Variants in LRRC3B observed in about 807,000 individuals in gnomAD.
The protein encoded by LRRC3B is leucine-rich repeat-containing protein 3B.
Under a neutral mutation model 12.8 loss-of-function variants are expected in LRRC3B, and 2 were observed. That is an observed-to-expected ratio of 0.16 (90% confidence interval 0.06 to 0.49). The LOEUF is 0.49. Among genes scored for constraint, LRRC3B ranks in the 20% least tolerant of loss-of-function variants. The pLI is 0.96. For missense variants in LRRC3B, 189 were observed against 319.4 expected, an observed-to-expected ratio of 0.59 and a Z score of 3.11; for synonymous variants, 132 against 122.0, an observed-to-expected ratio of 1.08 and a Z score of -0.54.
chr3:26,636,869 CCTTCCTT>C (rs1559350129), intron 1 of LRRC3B, among the ~76,000 whole-genome samples: 3 of 102,842 alleles, frequency 2.9e-5, no homozygotes, highest in African/African-American at 1.4e-4. Flanking sequence ...TCCCTCCCTT[CCTTCCTT>C]CCTTCCTTCC....
At chr3:26,636,816 C>CCCTG (rs1698883904) in intron 1 of LRRC3B, among the ~76,000 whole-genome samples, 1 of 62,380 alleles carries the variant, frequency 1.6e-5, no homozygotes, top group Non-Finnish European at 2.8e-5. Context: ...TTCCCTCCCT[C>CCCTG]CCTCCCTCCC....
At chr3:26,709,698 C>G in exon 2 of LRRC3B, 1 of 1,613,942 alleles carries the variant, frequency 6.2e-7, no homozygotes, top group Non-Finnish European at 8.5e-7. Flanking sequence ...CTGTGGTTAA[C>G]CCGTTCCCTC....
At chr3:26,707,684 C>A (rs1253774472) in intron 1 of LRRC3B, among the ~76,000 whole-genome samples, 2 of 152,188 alleles carry the variant, frequency 1.3e-5, no homozygotes, top group African/African-American at 4.8e-5. Context: ...TAATTAATTT[C>A]TTCCATCTCC....
At chr3:26,623,108 G>A (rs1698548197) in exon 1 of LRRC3B, 1 of 152,150 alleles carries the variant, frequency 6.6e-6, no homozygotes, top group Non-Finnish European at 1.5e-5. Context: ...GGGCAGCTCG[G>A]CTTGCAGCTG....
intron 1 of LRRC3B, among the ~76,000 whole-genome samples, chr3:26,708,456 C>T (rs1235426779): frequency 6.6e-6 from 1 of 152,066 alleles, no homozygotes; most frequent in African/African-American, 2.4e-5. Flanking sequence ...TGAGTCAGAA[C>T]AAAGACTTTG....
intron 1 of LRRC3B, among the ~76,000 whole-genome samples, chr3:26,663,934 C>G (rs1262626565): frequency 6.6e-6 from 1 of 152,102 alleles, no homozygotes; most frequent in East Asian, 1.9e-4. Flanking sequence ...AAAATTGCCC[C>G]TTTTTAATTC....
At chr3:26,650,312 A>G (rs902924196) in intron 1 of LRRC3B, among the ~76,000 whole-genome samples, 3 of 152,160 alleles carry the variant, frequency 2.0e-5, no homozygotes, top group African/African-American at 7.2e-5. Flanking sequence ...TTTTCTGTTG[A>G]GTCTCAGTGA....
chr3:26,662,508 G>A lies in LRRC3B; in HGVS notation c.-161+39271G>A, dbSNP rs1025949955. On this transcript the variant is annotated intron_variant, in intron 1 of 1. Transcript: ENST00000396641. ...GCCCCTCCTCTGAAATCTCTCTACC[G>A]CTAAAACTACAACATTGTCCATTCT... Among the ~76,000 whole-genome samples, 9 of 151,896 alleles carry A rather than the reference G, an allele frequency of 5.9e-5. No individual in the cohort carries two copies. In the South Asian group the frequency reaches 6.2e-4, roughly 10 times the overall value.
chr3:26,653,035 G>T (rs538296254), intron 1 of LRRC3B, among the ~76,000 whole-genome samples: 1 of 151,472 alleles, frequency 6.6e-6, no homozygotes, highest in Non-Finnish European at 1.5e-5. Flanking sequence ...AGATGACAGT[G>T]CCCCCTAGTA....
Position 26,675,817 on chromosome 3 carries a change from T to G in LRRC3B, c.-160-33696T>G, listed in dbSNP as rs1044781477. ...TTAATTGTTGTTTCTTGGGAAAAAC[T>G]AGCCCTTATTCTAGAATGTTTACCT... is the stretch of plus-strand genomic sequence containing the variant. On this transcript the variant is annotated intron_variant, in intron 1 of 1. Transcript: ENST00000396641. Among the ~76,000 whole-genome samples, 5 of 152,174 alleles carry G rather than the reference T, an allele frequency of 3.3e-5. No homozygotes were observed. The South Asian group carries it at 6.2e-4, about 19-fold the overall frequency.
intron 1 of LRRC3B, among the ~76,000 whole-genome samples, chr3:26,631,170 T>C (rs993062615): frequency 1.3e-5 from 2 of 152,212 alleles, no homozygotes; most frequent in African/African-American, 4.8e-5. Flanking sequence ...ATGTGCCTCC[T>C]TGGAGAAGCA....
intron 1 of LRRC3B, among the ~76,000 whole-genome samples, chr3:26,690,839 A>G (rs1215627567): frequency 6.6e-6 from 1 of 152,028 alleles, no homozygotes; most frequent in Non-Finnish European, 1.5e-5. Context: ...CTAGTTATGT[A>G]TTGGCATAAT....
intron 1 of LRRC3B, among the ~76,000 whole-genome samples, chr3:26,668,180 G>T (rs753229364): frequency 8.5e-5 from 13 of 152,114 alleles, no homozygotes; most frequent in Non-Finnish European, 1.2e-4. Context: ...GCATTAACGA[G>T]CCCTGTTGAA....
intron 1 of LRRC3B, among the ~76,000 whole-genome samples, chr3:26,671,196 T>C (rs1181870962): frequency 1.4e-5 from 2 of 143,248 alleles, no homozygotes. Flanking sequence ...TTTGTATTTT[T>C]AGTAGAGACG....
At chr3:26,623,407 C>T (rs2125394015) in intron 1 of LRRC3B, among the ~76,000 whole-genome samples, 170 bp downstream of exon 1, 1 of 152,306 alleles carries the variant, frequency 6.6e-6, no homozygotes, top group East Asian at 1.9e-4. Flanking sequence ...GAGAGACCTC[C>T]TCCTGGAGAG....
intron 1 of LRRC3B, among the ~76,000 whole-genome samples, chr3:26,670,593 C>T (rs1415171207): frequency 6.6e-6 from 1 of 152,150 alleles, no homozygotes; most frequent in Non-Finnish European, 1.5e-5. Context: ...ATTATTACTA[C>T]ATCAAGGGTT....
intron 1 of LRRC3B, among the ~76,000 whole-genome samples, chr3:26,646,173 A>G (rs1313301251): frequency 6.6e-6 from 1 of 152,216 alleles, no homozygotes; most frequent in Non-Finnish European, 1.5e-5. Flanking sequence ...TCATTTGTTC[A>G]TTCTGATACA....
At chr3:26,703,700 A>G (rs1700513389) in intron 1 of LRRC3B, among the ~76,000 whole-genome samples, 1 of 151,106 alleles carries the variant, frequency 6.6e-6, no homozygotes. Flanking sequence ...TGGTTTCCTG[A>G]TCTAGTTGCT....
intron 1 of LRRC3B, among the ~76,000 whole-genome samples, chr3:26,689,697 C>G (rs191568771): frequency 1.3e-3 from 204 of 152,284 alleles, no homozygotes; most frequent in Non-Finnish European, 5.9e-4. Flanking sequence ...GGCCCACCCC[C>G]AGGACTTTTA....
Sources: allele counts gnomAD v4.1 joint callset (sites outside exome capture counted in the v4.1 genomes callset), GRCh38; gene constraint gnomAD v4.1.1; transcripts MANE v1.5; gene names NCBI Gene and HGNC (gene_info 2026-07-23, HGNC 2026-07-21).